Variants in TOX observed in about 807,000 individuals in gnomAD.
The protein encoded by TOX is thymocyte selection-associated high mobility group box protein TOX.
TOX carries 11 observed loss-of-function variants against 53.7 expected under a neutral mutation model. The ratio of observed to expected loss-of-function variants is 0.20; its 90% confidence interval spans 0.13 to 0.34. TOX has a LOEUF of 0.34. Among genes scored for constraint, TOX ranks in the 10% least tolerant of loss-of-function variants. The pLI is 1.00. For missense variants in TOX, 570 were observed against 664.6 expected (o/e 0.86, Z 1.56); for synonymous variants, 225 against 245.3 (o/e 0.92, Z 0.77).
In TOX at chr8:58,851,185, TCA is replaced by T. The variant is rs68047111; in HGVS notation, c.693+337_693+338del. Among the ~76,000 whole-genome samples the T allele has an allele frequency of 0.011, 1,493 of 140,690 alleles. 20 individuals are homozygous for T. Among genetic ancestry groups the T allele is most frequent in the African/African-American group, 0.033 (1,211 of 36,420 alleles). 92.3% of individuals were successfully genotyped at this position (140,690 alleles called of 152,430 possible). Reference sequence around the variant, plus strand: ...CTCTCTCTCTCTCTCTCTCTCTCTCTCACACACACACACACACACACACACAC... The same window carrying T: ...CTCTCTCTCTCTCTCTCTCTCTCTCTCACACACACACACACACACACACAC... On this transcript the variant is annotated intron_variant, in intron 4 of 8. Coordinates refer to ENST00000361421, the MANE Select transcript of TOX (RefSeq NM_014729.3). The surrounding 1 kb of genome is among the most constrained non-coding windows in gnomAD (Gnocchi z 4.4).
chr8:58,998,535 A>G (rs59492034), intron 1 of TOX, among the ~76,000 whole-genome samples: 1,139 of 12,162 alleles, frequency 0.094, 18 homozygotes, highest in Non-Finnish European at 0.15. Context: ...ATATATATAT[A>G]TATAAATTTA....
chr8:58,894,139 T>C (rs1280638614), intron 3 of TOX, among the ~76,000 whole-genome samples: 6 of 152,202 alleles, frequency 3.9e-5, no homozygotes. Flanking sequence ...GAAATAATAG[T>C]GCAAGGGCCT....
At chr8:59,041,640 T>C (rs1269894797) in intron 1 of TOX, among the ~76,000 whole-genome samples, 3 of 152,254 alleles carry the variant, frequency 2.0e-5, no homozygotes, top group Non-Finnish European at 4.4e-5. Context: ...TTCATCTTTG[T>C]GCCCCAGTGC....
intron 3 of TOX, among the ~76,000 whole-genome samples, chr8:58,881,984 C>T (rs1811391657): frequency 6.6e-6 from 1 of 152,200 alleles, no homozygotes; most frequent in Non-Finnish European, 1.5e-5. Flanking sequence ...GGTAACTTTA[C>T]TACTGCAGTT....
chr8:58,985,090 C>A (rs1046461923), intron 1 of TOX, among the ~76,000 whole-genome samples: 1 of 148,906 alleles, frequency 6.7e-6, no homozygotes, highest in African/African-American at 2.5e-5. Context: ...TATGTTATAA[C>A]TATCTATATA....
At chr8:58,928,630 CTA>C (rs35867322) in intron 3 of TOX, among the ~76,000 whole-genome samples, 26 of 149,758 alleles carry the variant, frequency 1.7e-4, no homozygotes, top group East Asian at 3.9e-4. Flanking sequence ...TTTTCAAGCA[CTA>C]TATATATATA....
At chr8:58,963,838 T>C (rs1812843090) in intron 1 of TOX, among the ~76,000 whole-genome samples, 1 of 152,220 alleles carries the variant, frequency 6.6e-6, no homozygotes, top group Non-Finnish European at 1.5e-5. Flanking sequence ...TTATCTTTAG[T>C]GCCTCTATGG....
At chr8:58,913,007 A>T (rs1811931147) in intron 3 of TOX, among the ~76,000 whole-genome samples, 1 of 152,248 alleles carries the variant, frequency 6.6e-6, no homozygotes, top group Non-Finnish European at 1.5e-5. Flanking sequence ...AATGAAGTTC[A>T]AATGTCTTGG....
intron 1 of TOX, among the ~76,000 whole-genome samples, chr8:59,091,045 G>A (rs771267776): frequency 4.6e-5 from 7 of 151,924 alleles, no homozygotes; most frequent in African/African-American, 1.5e-4. Context: ...TAAATATACC[G>A]AAGCCTCTCC....
At chr8:58,991,625 A>G (rs1171786583) in intron 1 of TOX, 1 of 152,218 alleles carries the variant, frequency 6.6e-6, no homozygotes, top group Admixed American at 6.5e-5. Context: ...ACTGAAATCA[A>G]TGGATTTCAA....
intron 3 of TOX, among the ~76,000 whole-genome samples, chr8:58,903,510 C>T (rs1811763532): frequency 6.6e-6 from 1 of 152,198 alleles, no homozygotes; most frequent in Non-Finnish European, 1.5e-5. Flanking sequence ...CTCTGCACTG[C>T]TAAACAGCTG....
intron 6 of TOX, among the ~76,000 whole-genome samples, chr8:58,820,422 G>A (rs971236736): frequency 6.6e-6 from 1 of 152,066 alleles, no homozygotes; most frequent in Non-Finnish European, 1.5e-5. Context: ...CCAGAACATA[G>A]TTATCCAAAT....
chr8:58,990,157 A>T (rs950994451), intron 1 of TOX, among the ~76,000 whole-genome samples: 1 of 152,194 alleles, frequency 6.6e-6, no homozygotes, highest in South Asian at 2.1e-4. Flanking sequence ...ATCAATCACC[A>T]TTCTTCAGAT....
intron 1 of TOX, among the ~76,000 whole-genome samples, chr8:59,010,325 T>G (rs1813880029): frequency 6.6e-6 from 1 of 152,232 alleles, no homozygotes; most frequent in South Asian, 2.1e-4. Flanking sequence ...TTATGACTAT[T>G]ACTATTATTA....
intron 6 of TOX, among the ~76,000 whole-genome samples, chr8:58,816,538 C>T (rs562374946): frequency 1.3e-5 from 2 of 152,238 alleles, no homozygotes; most frequent in African/African-American, 2.4e-5. Context: ...TCCTCATGGG[C>T]CTGAACCTAC....
intron 1 of TOX, among the ~76,000 whole-genome samples, chr8:59,006,318 T>C (rs1052484393): frequency 6.6e-5 from 10 of 152,236 alleles, no homozygotes; most frequent in African/African-American, 2.4e-4. Flanking sequence ...ACTGGGATGC[T>C]GTTTCACTAA....
intron 1 of TOX, among the ~76,000 whole-genome samples, chr8:58,999,590 C>G (rs1016958110): frequency 6.6e-6 from 1 of 152,254 alleles, no homozygotes; most frequent in South Asian, 2.1e-4. Context: ...GAATTAAATG[C>G]ATAGAGGTTT....
intron 3 of TOX, among the ~76,000 whole-genome samples, chr8:58,879,794 G>A (rs1294698744): frequency 6.6e-6 from 1 of 152,046 alleles, no homozygotes; most frequent in African/African-American, 2.4e-5. Context: ...TCTACTGGAT[G>A]GATCTATGAC....
At chr8:59,003,106 C>A (rs1585956807) in intron 1 of TOX, among the ~76,000 whole-genome samples, 1 of 152,244 alleles carries the variant, frequency 6.6e-6, no homozygotes, top group African/African-American at 2.4e-5. Context: ...TTTGTTGATT[C>A]ATTTTAAATA....
Sources: allele counts gnomAD v4.1 joint callset (sites outside exome capture counted in the v4.1 genomes callset), GRCh38; gene constraint gnomAD v4.1.1; non-coding constraint Gnocchi (gnomAD v3.1); transcripts MANE v1.5; gene names NCBI Gene and HGNC (gene_info 2026-07-23, HGNC 2026-07-21).